The following ROBO1 variants were observed in gnomAD, a reference collection of about 807,000 sequenced individuals.
ROBO1 encodes the protein roundabout homolog 1.
A neutral mutation model predicts 195.9 loss-of-function variants in ROBO1; 149 were observed. That is an observed-to-expected ratio of 0.76 (90% CI 0.67 to 0.87). ROBO1 has a LOEUF of 0.87. Among genes scored for constraint, ROBO1 ranks in the 40% least tolerant of loss-of-function variants. ROBO1 has a pLI of 0.00. For missense variants in ROBO1, 1,933 were observed against 2,068.3 expected (o/e 0.93, Z 1.27); for synonymous variants, 816 against 733.2 (o/e 1.11, Z -1.82).
intron 1 of ROBO1, among the ~76,000 whole-genome samples, chr3:79,630,639 A>G (rs1945310528): frequency 6.6e-6 from 1 of 152,046 alleles, no homozygotes; most frequent in African/African-American, 2.4e-5. Context: ...GCTTTGACAG[A>G]GCAATCAAGA....
At chr3:79,039,084 A>G (rs959220428) in intron 3 of ROBO1, among the ~76,000 whole-genome samples, 32 of 152,326 alleles carry the variant, frequency 2.1e-4, no homozygotes, top group Middle Eastern at 3.4e-3. Flanking sequence ...ACTCATTTTT[A>G]GACAATGGCC....
chr3:79,135,112 GTCA>G (rs1333949725), intron 2 of ROBO1, among the ~76,000 whole-genome samples: 3 of 151,772 alleles, frequency 2.0e-5, no homozygotes, highest in African/African-American at 7.3e-5. Context: ...ATTAAACATA[GTCA>G]TCATGTTGTA....
Position 78,986,342 on chromosome 3 carries a change from A to T in ROBO1, c.173-47415T>A, listed in dbSNP as rs528207723. Among the ~76,000 whole-genome samples, 23 of 152,304 alleles carry T rather than the reference A, an allele frequency of 1.5e-4. No homozygotes were observed. The South Asian group carries it at 4.4e-3, about 29-fold the overall frequency. ...CTAGCAATTACTATCAGCATAGGTT[A>T]TAATTCCATGGCAGCATTCAGTGAG... On this transcript the variant is annotated intron_variant, in intron 3 of 30. Transcript: ENST00000464233.
intron 4 of ROBO1, among the ~76,000 whole-genome samples, chr3:78,916,181 C>A (rs1463612167): frequency 5.0e-5 from 7 of 141,332 alleles, no homozygotes; most frequent in African/African-American, 1.9e-4. Flanking sequence ...ACCCGGGAGG[C>A]GGAGCTTGCA....
chr3:79,503,021 C>G (rs1013874751), intron 2 of ROBO1, among the ~76,000 whole-genome samples: 1 of 152,106 alleles, frequency 6.6e-6, no homozygotes, highest in Non-Finnish European at 1.5e-5. Flanking sequence ...AAGCAGGCTG[C>G]GTGAGCTAAC....
intron 3 of ROBO1, among the ~76,000 whole-genome samples, chr3:79,087,843 A>T (rs1420388151): frequency 6.6e-6 from 1 of 152,138 alleles, no homozygotes; most frequent in Non-Finnish European, 1.5e-5. Context: ...AACAATATTG[A>T]TAACTGTTTA....
intron 3 of ROBO1, among the ~76,000 whole-genome samples, chr3:78,969,449 T>C (rs2076716084): frequency 1.3e-5 from 2 of 152,362 alleles, no homozygotes; most frequent in Admixed American, 1.3e-4. Flanking sequence ...TGACACAGAA[T>C]GTTGGAAACA....
intron 2 of ROBO1, among the ~76,000 whole-genome samples, chr3:79,202,407 T>C (rs1371309337): frequency 6.6e-6 from 1 of 152,076 alleles, no homozygotes; most frequent in Admixed American, 6.6e-5. Flanking sequence ...CAAATATAAA[T>C]TCACAGAAAA....
chr3:79,259,730 T>C (rs1213373360), intron 2 of ROBO1, among the ~76,000 whole-genome samples: 1 of 152,000 alleles, frequency 6.6e-6, no homozygotes, highest in Non-Finnish European at 1.5e-5. Context: ...TAAGAAAAAA[T>C]CTAATAATTC....
chr3:79,482,078 A>G (rs1938892371), intron 2 of ROBO1, among the ~76,000 whole-genome samples: 1 of 152,160 alleles, frequency 6.6e-6, no homozygotes, highest in South Asian at 2.1e-4. Context: ...ATTTATTCAA[A>G]TATGTATTAT....
intron 2 of ROBO1, among the ~76,000 whole-genome samples, chr3:79,381,315 C>G (rs2036560712): frequency 7.5e-6 from 1 of 134,034 alleles, no homozygotes; most frequent in East Asian, 2.2e-4. Flanking sequence ...CGAGACCATG[C>G]CATTGCACTC....
At chr3:79,468,161 A>C (rs543965315) in intron 2 of ROBO1, among the ~76,000 whole-genome samples, 1 of 152,214 alleles carries the variant, frequency 6.6e-6, no homozygotes, top group Non-Finnish European at 1.5e-5. Flanking sequence ...TTAAGTGGCA[A>C]ACTAAAAGTT....
At chr3:79,161,317 G>A (rs1481109612) in intron 2 of ROBO1, among the ~76,000 whole-genome samples, 1 of 151,924 alleles carries the variant, frequency 6.6e-6, no homozygotes, top group African/African-American at 2.4e-5. Context: ...AGAAATCCAT[G>A]GATTTGCTTA....
At chr3:79,712,448 C>G (rs1322910603) in intron 1 of ROBO1, among the ~76,000 whole-genome samples, 2 of 152,130 alleles carry the variant, frequency 1.3e-5, no homozygotes, top group Non-Finnish European at 1.5e-5. Context: ...CTAACTCTCT[C>G]CAATTCTATG....
rs1343666050 is a variant in ROBO1 at position 79,262,770 on chromosome 3, A to G, written c.89-137231T>C. Among the ~76,000 whole-genome samples, 4 of 152,120 alleles carry G rather than the reference A, an allele frequency of 2.6e-5. No homozygotes were observed. In the East Asian group the frequency reaches 7.7e-4, roughly 29 times the overall value. On this transcript the variant is annotated intron_variant, in intron 2 of 30. Coordinates refer to ENST00000464233, the MANE Select transcript of ROBO1 (RefSeq NM_002941.4). ...TTTATATTTAAATGATAAAAAAATA[A>G]GTATCGACAGAATACACAATGTAAA...
chr3:79,104,733 A>G (rs2079745175), intron 3 of ROBO1, among the ~76,000 whole-genome samples: 1 of 151,834 alleles, frequency 6.6e-6, no homozygotes, highest in African/African-American at 2.4e-5. Flanking sequence ...TAATGTAAAC[A>G]TAGTCCATGC....
intron 3 of ROBO1, among the ~76,000 whole-genome samples, chr3:79,027,804 A>G (rs1271795806): frequency 6.6e-6 from 1 of 151,968 alleles, no homozygotes; most frequent in Non-Finnish European, 1.5e-5. Context: ...CTGCTTTATT[A>G]CACCTAGAAG....
At chr3:78,805,957 C>G (rs1430407310) in intron 4 of ROBO1, among the ~76,000 whole-genome samples, 1 of 151,826 alleles carries the variant, frequency 6.6e-6, no homozygotes, top group African/African-American at 2.4e-5. Flanking sequence ...AATTTGGTAT[C>G]TCTAATTTTT....
chr3:79,215,678 T>C (rs1025306176), intron 2 of ROBO1, among the ~76,000 whole-genome samples: 4 of 152,176 alleles, frequency 2.6e-5, no homozygotes, highest in African/African-American at 9.6e-5. Flanking sequence ...GAAATTAAAG[T>C]CTGATTGGTG....
Sources: gnomAD v4.1 joint callset for allele counts (sites outside exome capture counted in the v4.1 genomes callset) on GRCh38, gnomAD v4.1.1 for gene constraint, MANE v1.5 for transcripts, NCBI Gene and HGNC (gene_info 2026-07-23, HGNC 2026-07-21) for gene names.